The following C3orf70 variants were observed in gnomAD, a reference collection of about 807,000 sequenced individuals.
C3orf70 encodes chromosome 3 open reading frame 70.
A neutral mutation model predicts 20.7 loss-of-function variants in C3orf70; 15 were observed. The ratio of observed to expected loss-of-function variants is 0.72; its 90% CI spans 0.48 to 1.11. The LOEUF is 1.11. Ranked by LOEUF, C3orf70 falls within the 50% of genes most tolerant of loss-of-function variation. The probability of loss-of-function intolerance (pLI) is 0.00; values close to 1 mark genes in which losing one functional copy is unlikely to be tolerated. For synonymous variants in C3orf70, 161 were observed against 125.7 expected (o/e 1.28, Z -1.88); for missense variants, 332 against 317.6 (o/e 1.05, Z -0.34).
chr3:185,101,331 C>G lies in C3orf70; in HGVS notation c.197-17768G>C, dbSNP rs114861905. On this transcript the variant is annotated intron_variant, in intron 1 of 1. Transcript: ENST00000335012. ...AACAGGACATCAAAATGCTTATCCA[C>G]CACGATCAAGTAGGCTTTGTCCCTG... Among the ~76,000 whole-genome samples, 1,099 of 152,300 alleles carry G rather than the reference C, an allele frequency of 7.2e-3. 20 individuals are homozygous for G. Among genetic ancestry groups the G allele is most frequent in the African/African-American group, 0.025 (1,048 of 41,560 alleles).
Position 185,135,492 on chromosome 3 carries a change from G to A in C3orf70, c.196+17136C>T, listed in dbSNP as rs1416318098. Among the ~76,000 whole-genome samples the A allele has an allele frequency of 2.0e-5, 3 of 152,328 alleles. No individual in the cohort carries two copies. In the East Asian group the frequency reaches 5.8e-4, roughly 29 times the overall value. ...ATAATACAAAAATTAGCCAGAGACT[G>A]GGAAAGATGTGGGGAGGGGATGAAT... On this transcript the variant is annotated intron_variant, in intron 1 of 1. Coordinates refer to ENST00000335012, the MANE Select transcript of C3orf70 (RefSeq NM_001025266.3).
At chr3:185,105,085 A>C (rs1449853198) in intron 1 of C3orf70, among the ~76,000 whole-genome samples, 1 of 152,266 alleles carries the variant, frequency 6.6e-6, no homozygotes, top group Non-Finnish European at 1.5e-5. Flanking sequence ...ATCAATTAAA[A>C]TCTACCCAGA....
At chr3:185,106,449 T>C (rs760586666) in intron 1 of C3orf70, among the ~76,000 whole-genome samples, 24 of 151,884 alleles carry the variant, frequency 1.6e-4, no homozygotes, top group Non-Finnish European at 3.4e-4. Context: ...TAAAAAAGAA[T>C]GTGGAAAAAA....
At chr3:185,126,350 G>T (rs927426299) in intron 1 of C3orf70, among the ~76,000 whole-genome samples, 8 of 152,148 alleles carry the variant, frequency 5.3e-5, no homozygotes, top group Non-Finnish European at 8.8e-5. Flanking sequence ...GCCTAGAGAA[G>T]TTGTTGCAAG....
intron 1 of C3orf70, among the ~76,000 whole-genome samples, chr3:185,118,729 T>G (rs936729288): frequency 1.3e-5 from 2 of 152,194 alleles, no homozygotes; most frequent in African/African-American, 4.8e-5. Flanking sequence ...AGGGTTAAAT[T>G]TAAAACAAGT....
chr3:185,102,753 A>G (rs1469472137), intron 1 of C3orf70, among the ~76,000 whole-genome samples: 1 of 152,226 alleles, frequency 6.6e-6, no homozygotes. Context: ...ATAAGGCCAC[A>G]CACCTGCAAC....
chr3:185,129,942 T>C (rs1716493892), intron 1 of C3orf70, among the ~76,000 whole-genome samples: 1 of 152,222 alleles, frequency 6.6e-6, no homozygotes, highest in African/African-American at 2.4e-5. Context: ...CACTGACATT[T>C]TGGCTTAGAG....
intron 1 of C3orf70, among the ~76,000 whole-genome samples, chr3:185,091,896 TAC>T (rs34123212): frequency 7.0e-5 from 6 of 85,428 alleles, no homozygotes; most frequent in Admixed American, 1.7e-4. Flanking sequence ...TATACACACA[TAC>T]ACACACACAC....
At chr3:185,138,960 G>A (rs1716684992) in intron 1 of C3orf70, among the ~76,000 whole-genome samples, 1 of 152,018 alleles carries the variant, frequency 6.6e-6, no homozygotes, top group South Asian at 2.1e-4. Flanking sequence ...TAATTAGCTG[G>A]ACATGGTGGC....
At chr3:185,093,112 C>A (rs1430083662) in intron 1 of C3orf70, among the ~76,000 whole-genome samples, 1 of 152,132 alleles carries the variant, frequency 6.6e-6, no homozygotes, top group Non-Finnish European at 1.5e-5. Flanking sequence ...AGCAATCAAG[C>A]CACCAACCCC....
rs777621686 is a variant in C3orf70 at position 185,152,740 on chromosome 3, G to A, written c.84C>T (p.Cys28=). 3.8e-6 allele frequency: 6 copies of A among 1,593,350 alleles called. No homozygotes were observed. The highest frequency in any genetic ancestry group is 1.7e-5 in the Admixed American group (1 of 57,916). The stretch of plus-strand genomic sequence containing the variant: ...GCTGGAAGTCGGGTCTGCGGGCGGC[G>A]CAACTCCGCGCCAGGGCCTGAGCCT... ...LDEAQALARS[C]AARRPDFQPC... Residue 28 remains cysteine, a synonymous_variant, in exon 1 of 2, where the codon TGC becomes TGT. Coordinates refer to ENST00000335012, the MANE Select transcript of C3orf70 (RefSeq NM_001025266.3).
intron 1 of C3orf70, among the ~76,000 whole-genome samples, chr3:185,113,276 T>C (rs1197919319): frequency 8.6e-4 from 12 of 14,022 alleles, no homozygotes; most frequent in Admixed American, 5.0e-3. Context: ...CCATCTCTAC[T>C]AAAAAATACA....
chr3:185,119,806 A>G (rs1716255852), intron 1 of C3orf70, among the ~76,000 whole-genome samples: 1 of 151,922 alleles, frequency 6.6e-6, no homozygotes. Context: ...TGGGAGGATC[A>G]TGAGGTCAAG....
chr3:185,142,883 G>A (rs941880092), intron 1 of C3orf70, among the ~76,000 whole-genome samples: 1 of 152,046 alleles, frequency 6.6e-6, no homozygotes, highest in Non-Finnish European at 1.5e-5. Flanking sequence ...GGCAAATTCA[G>A]AATATAGGAC....
In C3orf70 at chr3:185,152,980, C is replaced by T; in HGVS notation, c.-157G>A. Reference sequence around the variant, plus strand: ...GGCGGGAGCGCGGCGGTCCCAGGCTCGAGGAGGAGCCGCCCCGGGCGCTGC... The same window carrying T: ...GGCGGGAGCGCGGCGGTCCCAGGCTTGAGGAGGAGCCGCCCCGGGCGCTGC... On this transcript the variant is annotated 5_prime_UTR_variant, in exon 1 of 2. Coordinates refer to ENST00000335012, the MANE Select transcript of C3orf70 (RefSeq NM_001025266.3). 2 of 499,346 alleles carry T rather than the reference C, an allele frequency of 4.0e-6. No homozygotes were observed. The highest frequency in any genetic ancestry group is 6.0e-6 in the Non-Finnish European group (2 of 335,630). The allele number at this position is 499,346 out of a possible 1,614,324, so 30.9% of individuals were successfully genotyped here.
intron 1 of C3orf70, among the ~76,000 whole-genome samples, chr3:185,113,310 G>T (rs1577326232): frequency 1.8e-5 from 2 of 111,004 alleles, no homozygotes; most frequent in East Asian, 5.5e-4. Context: ...GAAAGTTAAT[G>T]GCAATGTAAA....
intron 1 of C3orf70, among the ~76,000 whole-genome samples, chr3:185,123,862 T>C (rs1371815275): frequency 1.3e-5 from 2 of 152,198 alleles, no homozygotes; most frequent in Admixed American, 1.3e-4. Flanking sequence ...TTTTAAATTA[T>C]TTTTTCCAGA....
intron 1 of C3orf70, among the ~76,000 whole-genome samples, chr3:185,098,776 G>C (rs907852163): frequency 6.6e-6 from 1 of 152,196 alleles, no homozygotes; most frequent in Non-Finnish European, 1.5e-5. Flanking sequence ...GTCTGAGTAA[G>C]CCAACTGCCC....
chr3:185,141,522 G>A (rs1393805984), intron 1 of C3orf70, among the ~76,000 whole-genome samples: 2 of 152,052 alleles, frequency 1.3e-5, no homozygotes, highest in African/African-American at 4.8e-5. Context: ...TCCTTCAATA[G>A]GTGAAAAGTT....
Sources: gnomAD v4.1 joint callset for allele counts (sites outside exome capture counted in the v4.1 genomes callset) on GRCh38, gnomAD v4.1.1 for gene constraint, MANE v1.5 for transcripts, NCBI Gene and HGNC (gene_info 2026-07-23, HGNC 2026-07-21) for gene names.